NRG2: variants seen among roughly 807,000 people sequenced by gnomAD.
The protein encoded by NRG2 is pro-neuregulin-2, membrane-bound isoform.
Under a neutral mutation model 73.9 loss-of-function variants are expected in NRG2, and 27 were observed. The observed-to-expected ratio is 0.37, with a 90% confidence interval of 0.27 to 0.50. NRG2 has a LOEUF of 0.50. NRG2 is among the 20% of genes least tolerant of loss of function. The pLI, the probability that NRG2 is intolerant of heterozygous loss-of-function variation, is 0.96. For synonymous variants in NRG2, 532 were observed against 541.0 expected (o/e 0.98, Z 0.23); for missense variants, 1,126 against 1,210.1 (o/e 0.93, Z 1.03).
chr5:139,882,026 G>A (rs1000829081), intron 2 of NRG2, among the ~76,000 whole-genome samples: 2 of 152,192 alleles, frequency 1.3e-5, no homozygotes, highest in Non-Finnish European at 1.5e-5. Flanking sequence ...TGGCCCCCAG[G>A]AGGAAGCAAG....
At chr5:139,918,413 A>G (rs374416179) in intron 1 of NRG2, among the ~76,000 whole-genome samples, 8 of 152,358 alleles carry the variant, frequency 5.3e-5, no homozygotes, top group African/African-American at 1.9e-4. Context: ...AAAACTAAAG[A>G]TGACAGCACA....
At chr5:140,035,894 A>AG (rs1259765396) in intron 1 of NRG2, among the ~76,000 whole-genome samples, 1 of 152,214 alleles carries the variant, frequency 6.6e-6, no homozygotes, top group Non-Finnish European at 1.5e-5. Context: ...GAAAAAAAAA[A>AG]GTAATCTGAT....
chr5:139,973,156 C>CAAAAAA (rs58053481), intron 1 of NRG2, among the ~76,000 whole-genome samples: 4 of 89,424 alleles, frequency 4.5e-5, no homozygotes, highest in Admixed American at 1.2e-4. Flanking sequence ...TAAGAATATG[C>CAAAAAA]AAAAAAAAAA....
intron 1 of NRG2, among the ~76,000 whole-genome samples, chr5:139,980,037 C>T (rs909839834): frequency 3.3e-5 from 5 of 152,156 alleles, no homozygotes; most frequent in Non-Finnish European, 2.9e-5. Context: ...ACCCTCAGGC[C>T]CATCAGATCC....
chr5:139,848,301 C>T lies in NRG2; in HGVS notation c.2169G>A (p.Pro723=). ...YETTQECAPP[P]PPRPRARGAS... Reference sequence around the variant, plus strand: ...CACCGCGCGCGCGCGGCCGCGGCGGCGGCGGGGGCGCGCACTCCTGCGTGG... The same window carrying T: ...CACCGCGCGCGCGCGGCCGCGGCGGTGGCGGGGGCGCGCACTCCTGCGTGG... The change falls in exon 10 of 10, where the codon CCG becomes CCA. Residue 723 remains proline, a synonymous_variant. Transcript: ENST00000361474. 1 of 1,161,122 alleles carries T rather than the reference C, an allele frequency of 8.6e-7. No individual in the cohort carries two copies. Among genetic ancestry groups the T allele is most frequent in the Non-Finnish European group, 1.1e-6 (1 of 943,578 alleles). 71.9% of individuals were successfully genotyped at this position (1,161,122 alleles called of 1,614,324 possible).
chr5:139,919,335 G>C (rs1358550525), intron 1 of NRG2, among the ~76,000 whole-genome samples: 7 of 152,004 alleles, frequency 4.6e-5, no homozygotes, highest in Non-Finnish European at 2.9e-5. Context: ...TGATCTTCAA[G>C]GTTTCCTGAA....
Position 139,853,059 on chromosome 5 carries a change from T to A in NRG2, c.1293-32A>T, listed in dbSNP as rs760702405. 6.2e-7 allele frequency: 1 copy of A among 1,611,636 alleles called. No individual in the cohort carries two copies. The highest frequency in any genetic ancestry group is 8.5e-7 in the Non-Finnish European group (1 of 1,179,130). ...AAGGGAAGGGAAGGTGAGGCTGGCA[T>A]TCCCCCCACTCGCCAACGATGAACT... is the stretch of plus-strand genomic sequence containing the variant. On this transcript the variant is annotated intron_variant, in intron 6 of 9. Transcript: ENST00000361474. This position sits in a 1 kb window ranked among gnomAD's most constrained non-coding sequence, Gnocchi z 4.1.
At chr5:139,912,206 CA>C (rs1750880071) in intron 1 of NRG2, among the ~76,000 whole-genome samples, 1 of 152,172 alleles carries the variant, frequency 6.6e-6, no homozygotes, top group South Asian at 2.1e-4. Context: ...TCTTTCCAGG[CA>C]GAGAGACAAT....
At chr5:140,017,707 T>A (rs1299600338) in intron 1 of NRG2, among the ~76,000 whole-genome samples, 1 of 150,844 alleles carries the variant, frequency 6.6e-6, no homozygotes. Flanking sequence ...AGAGAAGAGG[T>A]CATGATATAG....
intron 1 of NRG2, among the ~76,000 whole-genome samples, chr5:139,996,212 C>G (rs1757998418): frequency 1.3e-5 from 2 of 152,142 alleles, no homozygotes; most frequent in Non-Finnish European, 1.5e-5. Context: ...TAAATGGACT[C>G]ATACTGTACA....
At chr5:140,002,682 A>C (rs1260696887) in intron 1 of NRG2, among the ~76,000 whole-genome samples, 1 of 152,214 alleles carries the variant, frequency 6.6e-6, no homozygotes, top group Non-Finnish European at 1.5e-5. Flanking sequence ...GGTGAGAAAG[A>C]AAGCTCTCTG....
At chr5:140,001,920 T>G (rs1167520304) in intron 1 of NRG2, among the ~76,000 whole-genome samples, 6 of 152,112 alleles carry the variant, frequency 3.9e-5, no homozygotes, top group Non-Finnish European at 7.4e-5. Context: ...TAGTGGCTCA[T>G]GCCTGTAATC....
intron 1 of NRG2, among the ~76,000 whole-genome samples, chr5:139,968,805 C>T (rs1224792996): frequency 2.0e-5 from 3 of 152,258 alleles, no homozygotes; most frequent in Admixed American, 2.0e-4. Context: ...CAGAGGCATC[C>T]GCTGGTCCTC....
intron 1 of NRG2, among the ~76,000 whole-genome samples, chr5:139,990,459 C>A (rs756679203): frequency 2.0e-5 from 3 of 152,036 alleles, no homozygotes; most frequent in Non-Finnish European, 4.4e-5. Flanking sequence ...GTGCACACCA[C>A]TACATCAAGC....
At chr5:139,906,805 CTG>C (rs1402798586) in intron 1 of NRG2, among the ~76,000 whole-genome samples, 6 of 152,140 alleles carry the variant, frequency 3.9e-5, no homozygotes, top group Admixed American at 3.3e-4. Flanking sequence ...AGGGAACAAA[CTG>C]TAGTGAAGGA....
At chr5:140,001,199 T>C (rs1173382876) in intron 1 of NRG2, among the ~76,000 whole-genome samples, 2 of 152,186 alleles carry the variant, frequency 1.3e-5, no homozygotes, top group Non-Finnish European at 2.9e-5. Flanking sequence ...AGAGCTTGTT[T>C]TCCTTTGTGT....
chr5:139,936,870 C>T (rs920971558), intron 1 of NRG2, among the ~76,000 whole-genome samples: 1 of 152,192 alleles, frequency 6.6e-6, no homozygotes, highest in Non-Finnish European at 1.5e-5. Flanking sequence ...GATGTGATCT[C>T]AGCTCACTGT....
chr5:139,911,162 C>A (rs892397485), intron 1 of NRG2, among the ~76,000 whole-genome samples: 1 of 151,982 alleles, frequency 6.6e-6, no homozygotes, highest in Non-Finnish European at 1.5e-5. Flanking sequence ...GGTGGGGGGA[C>A]AGCATGTGAA....
intron 1 of NRG2, among the ~76,000 whole-genome samples, chr5:139,949,630 T>C (rs906345587): frequency 6.6e-6 from 1 of 152,250 alleles, no homozygotes; most frequent in Non-Finnish European, 1.5e-5. Context: ...AAGGAACTTA[T>C]ATTTTACTTA....
Sources: gnomAD v4.1 joint callset for allele counts (sites outside exome capture counted in the v4.1 genomes callset) on GRCh38, gnomAD v4.1.1 for gene constraint, Gnocchi (gnomAD v3.1) non-coding constraint, MANE v1.5 for transcripts, NCBI Gene and HGNC (gene_info 2026-07-23, HGNC 2026-07-21) for gene names.